Variants in ABCB7 observed in about 807,000 individuals in gnomAD.
ABCB7 encodes ATP binding cassette subfamily B member 7.
ABCB7 carries 7 observed loss-of-function variants against 54.4 expected under a neutral mutation model. The observed-to-expected ratio is 0.13, with a 90% CI of 0.07 to 0.24. ABCB7 has a LOEUF of 0.24. Ranked by LOEUF, ABCB7 falls within the 10% of genes least tolerant of loss-of-function variation. ABCB7 has a pLI of 1.00. For missense variants in ABCB7, 356 were observed against 570.4 expected (o/e 0.62, Z 3.83); for synonymous variants, 218 against 207.1 (o/e 1.05, Z -0.45).
intron 1 of ABCB7, among the ~76,000 whole-genome samples, chrX:75,139,758 T>A (rs2082040568): frequency 8.9e-6 from 1 of 112,235 alleles, no homozygotes; most frequent in Admixed American, 9.5e-5. Context: ...CCTTTCCTCC[T>A]CAAATGATTC....
At chrX:75,098,036 C>T (rs747947300) in intron 4 of ABCB7, among the ~76,000 whole-genome samples, 4 of 111,424 alleles carry the variant, frequency 3.6e-5, no homozygotes, top group African/African-American at 1.3e-4. Context: ...GGGCTGGGTG[C>T]GGTGGCTCAT....
At chrX:75,074,037 C>T (rs987601748) in intron 6 of ABCB7, 81 bp from the exon 7 acceptor site, 22 of 818,624 alleles carry the variant, frequency 2.7e-5, no homozygotes, top group Non-Finnish European at 4.0e-5. Flanking sequence ...CAGCAAATCT[C>T]GGTCAAAAGA....
chrX:75,098,455 T>C (rs992695373), intron 4 of ABCB7, among the ~76,000 whole-genome samples: 1 of 111,837 alleles, frequency 8.9e-6, no homozygotes, highest in African/African-American at 3.2e-5. Flanking sequence ...GCTCCTATAC[T>C]GAACGTACCA....
chrX:75,153,747 CGT>C (rs199846045), intron 1 of ABCB7, among the ~76,000 whole-genome samples: 4 of 14,318 alleles, frequency 2.8e-4, no homozygotes, highest in African/African-American at 3.7e-4. Context: ...TGTGTGTGTG[CGT>C]GTGTGTGTGT....
In ABCB7 at chrX:75,122,387, A is replaced by T. The variant is rs187580719; in HGVS notation, c.169-7556T>A. ...GTGAATAATCCATCTCTTGTTTAGCATATAATCAAGAAATAACCATAAAAA... is the reference window on the plus strand; with the variant it reads ...GTGAATAATCCATCTCTTGTTTAGCTTATAATCAAGAAATAACCATAAAAA... On this transcript the variant is annotated intron_variant, in intron 1 of 15. Coordinates refer to ENST00000373394, the MANE Select transcript of ABCB7 (RefSeq NM_001271696.3). Among the ~76,000 whole-genome samples, 14 of 107,473 alleles carry T rather than the reference A, an allele frequency of 1.3e-4. No homozygotes were observed. The Admixed American group carries it at 1.4e-3, about 11-fold the overall frequency. The allele number at this position is 107,473 out of a possible 115,157, so 93.3% of individuals were successfully genotyped here. A position where few individuals can be genotyped will look rare whatever the true frequency, so the allele number is the denominator to read the frequency against.
intron 1 of ABCB7, among the ~76,000 whole-genome samples, chrX:75,122,716 C>G (rs1194824965): frequency 1.8e-5 from 2 of 112,097 alleles, no homozygotes; most frequent in Non-Finnish European, 3.8e-5. Flanking sequence ...GCTATCCTAA[C>G]AGATATGAAG....
In ABCB7 at chrX:75,149,212, T is replaced by A. The variant is rs184790356; in HGVS notation, c.168+6893A>T. 3.3e-3 allele frequency among the ~76,000 whole-genome samples: 374 copies of A among 111,732 alleles called. 1 individual carries two copies. The highest frequency in any genetic ancestry group is 0.011 in the African/African-American group (353 of 30,766). ...AACTTAATCAGAGGACTAATGAACA[T>A]CCCAAAATACAGTGTGCAGTTAAAA... On this transcript the variant is annotated intron_variant, in intron 1 of 15. Transcript: ENST00000373394.
In ABCB7 at chrX:75,053,365, G is replaced by A. The variant is rs1281330837; in HGVS notation, c.*5C>T. The A allele has an allele frequency of 8.3e-7, 1 of 1,209,829 alleles. No homozygotes were observed. Among genetic ancestry groups the A allele is most frequent in the Admixed American group, 2.2e-5 (1 of 45,866 alleles). On this transcript the variant is annotated 3_prime_UTR_variant, in exon 16 of 16. Coordinates refer to ENST00000373394, the MANE Select transcript of ABCB7 (RefSeq NM_001271696.3). ...ACAACAAAAAAAGAAAATGTCTTAT[G>A]TGACTTAGCACGAACAGTTTCCACA...
intron 1 of ABCB7, among the ~76,000 whole-genome samples, chrX:75,152,360 C>T (rs1234432873): frequency 2.7e-5 from 3 of 111,332 alleles, no homozygotes; most frequent in Non-Finnish European, 5.6e-5. Context: ...TCTCTTCTAC[C>T]ACATGAGGAC....
chrX:75,091,165 C>T (rs1234610910), intron 4 of ABCB7, among the ~76,000 whole-genome samples: 2 of 110,784 alleles, frequency 1.8e-5, no homozygotes, highest in African/African-American at 6.5e-5. Context: ...AAACTACAGA[C>T]CACCCTCTTT....
At chrX:75,062,962 T>C (rs954599858) in intron 13 of ABCB7, among the ~76,000 whole-genome samples, 1 of 111,597 alleles carries the variant, frequency 9.0e-6, no homozygotes, top group Non-Finnish European at 1.9e-5. Flanking sequence ...TTCTTCAAAG[T>C]TAAAGGCATA....
At chrX:75,137,556 T>C (rs1156504375) in intron 1 of ABCB7, among the ~76,000 whole-genome samples, 4 of 112,335 alleles carry the variant, frequency 3.6e-5, no homozygotes, top group Admixed American at 1.9e-4. Context: ...TATAAATCCT[T>C]CTACCATAAA....
In ABCB7 at chrX:75,070,671, C is replaced by A. The variant is rs781392786; in HGVS notation, c.1208-149G>T. The A allele has an allele frequency of 5.2e-6, 3 of 573,608 alleles. No individual in the cohort carries two copies. The South Asian group carries it at 8.4e-5, about 16-fold the overall frequency. The allele number at this position is 573,608 out of a possible 1,213,427, so 47.3% of individuals were successfully genotyped here. ...AACTCAATTTCAAAGCATTAATCCACGATTTAGGTAATACAGGGAACTTAG... is the reference window on the plus strand; with the variant it reads ...AACTCAATTTCAAAGCATTAATCCAAGATTTAGGTAATACAGGGAACTTAG... On this transcript the variant is annotated intron_variant, in intron 9 of 15. Coordinates refer to ENST00000373394, the MANE Select transcript of ABCB7 (RefSeq NM_001271696.3).
chrX:75,094,003 A>C, intron 4 of ABCB7, among the ~76,000 whole-genome samples: 1 of 91,615 alleles, frequency 1.1e-5, no homozygotes, highest in Admixed American at 1.2e-4. Context: ...CTCCTTTTGG[A>C]TGTTTCTGTT....
rs149186353 is a variant in ABCB7 at position 75,116,663 on chromosome X, G to A, written c.169-1832C>T. 6.1e-4 allele frequency among the ~76,000 whole-genome samples: 68 copies of A among 111,493 alleles called. 1 individual carries two copies. The East Asian group carries it at 0.018, about 30-fold the overall frequency. ...CTTCTCGGGTCAAGTGTCTCCCAAA[G>A]TATCAGAGGCATTTGAACCAGAGCA... On this transcript the variant is annotated intron_variant, in intron 1 of 15. Coordinates refer to ENST00000373394, the MANE Select transcript of ABCB7 (RefSeq NM_001271696.3).
chrX:75,140,413 G>C (rs965733820), intron 1 of ABCB7, among the ~76,000 whole-genome samples: 1 of 111,050 alleles, frequency 9.0e-6, no homozygotes, highest in Non-Finnish European at 1.9e-5. Context: ...AAAGGAAACA[G>C]TGTGGTACTG....
intron 1 of ABCB7, among the ~76,000 whole-genome samples, chrX:75,122,700 G>A (rs1602394359): frequency 1.8e-5 from 2 of 111,562 alleles, no homozygotes; most frequent in African/African-American, 6.5e-5. Context: ...TATCTTTTTG[G>A]CAATAGCTAT....
chrX:75,076,239 G>GGA (rs2081407932), intron 5 of ABCB7, among the ~76,000 whole-genome samples: 1 of 112,150 alleles, frequency 8.9e-6, no homozygotes, highest in Non-Finnish European at 1.9e-5. Flanking sequence ...GGAAATGGAT[G>GGA]TTACAAAAAG....
At chrX:75,108,706 A>G in intron 3 of ABCB7, among the ~76,000 whole-genome samples, 1 of 110,799 alleles carries the variant, frequency 9.0e-6, no homozygotes, top group African/African-American at 3.3e-5. Flanking sequence ...AAAAGTTCGG[A>G]AATGACAGAG....
Sources: allele counts gnomAD v4.1 joint callset (sites outside exome capture counted in the v4.1 genomes callset), GRCh38; gene constraint gnomAD v4.1.1; transcripts MANE v1.5; gene names NCBI Gene and HGNC (gene_info 2026-07-23, HGNC 2026-07-21).